CPNE4: variants seen among roughly 807,000 people sequenced by gnomAD.
CPNE4 encodes copine 4, also known as copine-4.
Under a neutral mutation model 67.9 loss-of-function variants are expected in CPNE4, and 25 were observed. The ratio of observed to expected loss-of-function variants is 0.37; its 90% CI spans 0.27 to 0.51. The LOEUF (loss-of-function observed/expected upper bound fraction) is 0.51. CPNE4 is among the 20% of genes least tolerant of loss of function. The pLI is 0.93. For synonymous variants in CPNE4, 242 were observed against 244.9 expected (o/e 0.99, Z 0.11); for missense variants, 464 against 690.8 (o/e 0.67, Z 3.68).
At chr3:131,729,590 G>C (rs2082081367) in intron 2 of CPNE4, among the ~76,000 whole-genome samples, 1 of 152,140 alleles carries the variant, frequency 6.6e-6, no homozygotes, top group Admixed American at 6.5e-5. Context: ...GAGATAGGTT[G>C]GTGCTGATGA....
intron 1 of CPNE4, among the ~76,000 whole-genome samples, chr3:131,966,180 C>A (rs936051888): frequency 2.0e-5 from 3 of 152,104 alleles, no homozygotes; most frequent in Admixed American, 6.6e-5. Context: ...CCAGTGAGAA[C>A]AAAGATACAA....
intron 2 of CPNE4, among the ~76,000 whole-genome samples, chr3:131,883,075 A>G (rs901106266): frequency 6.6e-6 from 1 of 152,210 alleles, no homozygotes; most frequent in Non-Finnish European, 1.5e-5. Context: ...ACCTAAATAG[A>G]TGAGAAAATG....
chr3:132,001,478 T>C lies in CPNE4; in HGVS notation c.-2+33089A>G, dbSNP rs1033750369. On this transcript the variant is annotated intron_variant, in intron 1 of 15. Transcript: ENST00000429747. ...TCACAAAAAAACTCAAAGCCTGCTG[T>C]TATGGACTGTAAGAAATGCCAGGAG... Among the ~76,000 whole-genome samples the C allele has an allele frequency of 6.6e-5, 10 of 150,990 alleles. No individual in the cohort carries two copies. In the East Asian group the frequency reaches 2.0e-3, roughly 30 times the overall value.
At chr3:131,799,185 CGAGTTAGGAAAGACA>C (rs1441601787) in intron 2 of CPNE4, among the ~76,000 whole-genome samples, 2 of 151,978 alleles carry the variant, frequency 1.3e-5, no homozygotes, top group East Asian at 3.8e-4. Flanking sequence ...CAGATATAAT[CGAGTTAGGAAAGACA>C]CAATTAGCTG....
intron 1 of CPNE4, among the ~76,000 whole-genome samples, chr3:131,980,760 G>A (rs1385156772): frequency 2.0e-5 from 3 of 152,038 alleles, no homozygotes; most frequent in African/African-American, 7.2e-5. Flanking sequence ...TTTTGGGGGT[G>A]TTCATGAGTC....
chr3:131,905,477 G>T (rs985879056), intron 1 of CPNE4, 33 bp from the exon 2 acceptor site: 6 of 1,576,624 alleles, frequency 3.8e-6, no homozygotes, highest in Non-Finnish European at 5.2e-6. Context: ...TAAAAAAGAA[G>T]TGCCAATCAC....
chr3:131,559,442 G>C (rs550508974), intron 11 of CPNE4, among the ~76,000 whole-genome samples: 2 of 151,944 alleles, frequency 1.3e-5, no homozygotes, highest in East Asian at 3.9e-4. Flanking sequence ...CCCATTATCT[G>C]TTTCAGTAAG....
intron 7 of CPNE4, among the ~76,000 whole-genome samples, chr3:131,619,649 G>C (rs961517111): frequency 6.6e-6 from 1 of 152,028 alleles, no homozygotes; most frequent in African/African-American, 2.4e-5. Flanking sequence ...TTCTAAGCCC[G>C]TCCTATTTCA....
chr3:132,039,473 T>C (rs535190749), upstream of CPNE4: 1 of 152,258 alleles, frequency 6.6e-6, no homozygotes. Flanking sequence ...TTCAGCTTTT[T>C]ATTACAAATA....
intron 2 of CPNE4, among the ~76,000 whole-genome samples, chr3:131,836,320 T>C (rs2085555393): frequency 6.6e-6 from 1 of 152,162 alleles, no homozygotes; most frequent in Non-Finnish European, 1.5e-5. Flanking sequence ...AATTAGTTAA[T>C]GCAATCTCCC....
intron 2 of CPNE4, among the ~76,000 whole-genome samples, chr3:131,768,056 AG>A (rs2083067583): frequency 6.6e-6 from 1 of 152,136 alleles, no homozygotes; most frequent in African/African-American, 2.4e-5. Context: ...CTAGTGGAAG[AG>A]GAGGCTGAGA....
chr3:132,013,133 G>A (rs1164153579), intron 1 of CPNE4, among the ~76,000 whole-genome samples: 2 of 152,194 alleles, frequency 1.3e-5, no homozygotes, highest in Non-Finnish European at 2.9e-5. Context: ...TGAGGCAGGA[G>A]AATAACTTGG....
chr3:131,788,875 A>G (rs1365385707), intron 2 of CPNE4, among the ~76,000 whole-genome samples: 1 of 152,010 alleles, frequency 6.6e-6, no homozygotes, highest in Non-Finnish European at 1.5e-5. Context: ...TATAATACTA[A>G]CAGAAATTAT....
intron 3 of CPNE4, among the ~76,000 whole-genome samples, chr3:131,703,136 T>C (rs2081341806): frequency 1.3e-5 from 2 of 152,224 alleles, no homozygotes; most frequent in Non-Finnish European, 2.9e-5. Flanking sequence ...ACTTATCATG[T>C]ACACTTTGCT....
At chr3:131,905,564 G>C in intron 1 of CPNE4, 120 bp from the exon 2 acceptor site, 1 of 860,828 alleles carries the variant, frequency 1.2e-6, no homozygotes, top group East Asian at 2.7e-5. Context: ...AAACATTGAA[G>C]GTATTTATCT....
intron 1 of CPNE4, among the ~76,000 whole-genome samples, chr3:132,016,492 G>A (rs1478551346): frequency 6.6e-6 from 1 of 152,196 alleles, no homozygotes; most frequent in East Asian, 1.9e-4. Flanking sequence ...ACCAGCTGAA[G>A]AGAAATGGCA....
chr3:131,737,840 A>T (rs1031156896), intron 2 of CPNE4, among the ~76,000 whole-genome samples: 2 of 147,620 alleles, frequency 1.4e-5, no homozygotes, highest in Non-Finnish European at 3.0e-5. Context: ...AGAGGACTTT[A>T]AAAAAAAAAT....
intron 2 of CPNE4, among the ~76,000 whole-genome samples, chr3:131,867,134 A>G (rs2086985497): frequency 6.6e-6 from 1 of 152,222 alleles, no homozygotes; most frequent in South Asian, 2.1e-4. Context: ...GTTTGTTGCC[A>G]GTGTTCATAA....
intron 1 of CPNE4, among the ~76,000 whole-genome samples, chr3:132,030,691 T>C (rs1233412483): frequency 1.3e-5 from 2 of 152,236 alleles, no homozygotes; most frequent in Non-Finnish European, 2.9e-5. Context: ...CTTCCCAGGA[T>C]GTGCTGATTT....
Sources: gnomAD v4.1 joint callset for allele counts (sites outside exome capture counted in the v4.1 genomes callset) on GRCh38, gnomAD v4.1.1 for gene constraint, MANE v1.5 for transcripts, NCBI Gene and HGNC (gene_info 2026-07-23, HGNC 2026-07-21) for gene names.